Variants in ZNF280D observed in about 807,000 individuals in gnomAD.
ZNF280D encodes zinc finger protein 280D.
A neutral mutation model predicts 94.7 loss-of-function variants in ZNF280D; 39 were observed. That is an observed-to-expected ratio of 0.41 (90% confidence interval 0.32 to 0.54). The LOEUF is 0.54. Among genes scored for constraint, ZNF280D ranks in the 20% least tolerant of loss-of-function variants. The probability of loss-of-function intolerance (pLI) is 0.22; values close to 1 mark genes in which losing one functional copy is unlikely to be tolerated. For missense variants in ZNF280D, 1,090 were observed against 1,149.3 expected (o/e 0.95, Z 0.75); for synonymous variants, 398 against 377.6 (o/e 1.05, Z -0.63).
At chr15:56,633,559 C>T (rs1410290090) in intron 21 of ZNF280D, among the ~76,000 whole-genome samples, 7 of 151,674 alleles carry the variant, frequency 4.6e-5, no homozygotes, top group African/African-American at 1.2e-4. Flanking sequence ...GGCATGATCT[C>T]GGCTCATTGC....
chr15:56,642,029 T>C (rs145324040), intron 20 of ZNF280D, among the ~76,000 whole-genome samples: 6 of 151,552 alleles, frequency 4.0e-5, no homozygotes, highest in African/African-American at 1.2e-4. Context: ...TCACTGCAGA[T>C]TCCAAAGATT....
chr15:56,672,964 T>C (rs2054969026), intron 13 of ZNF280D, among the ~76,000 whole-genome samples: 1 of 151,816 alleles, frequency 6.6e-6, no homozygotes, highest in Non-Finnish European at 1.5e-5. Context: ...ACAAGTGTGA[T>C]ACATTGGATT....
chr15:56,655,390 T>C (rs1437975322), intron 17 of ZNF280D, among the ~76,000 whole-genome samples: 1 of 152,206 alleles, frequency 6.6e-6, no homozygotes, highest in Admixed American at 6.5e-5. Context: ...GTATTTTTAC[T>C]AGAGACGGGG....
intron 1 of ZNF280D, among the ~76,000 whole-genome samples, chr15:56,721,450 C>A (rs1386989175): frequency 6.6e-6 from 1 of 152,186 alleles, no homozygotes; most frequent in Non-Finnish European, 1.5e-5. Context: ...GTATCTTCTT[C>A]CAATAAATAG....
chr15:56,677,731 T>C, intron 11 of ZNF280D, 57 bp from the exon 12 acceptor site: 1 of 656,942 alleles, frequency 1.5e-6, no homozygotes, highest in Non-Finnish European at 2.2e-6. Flanking sequence ...TAAAAATTAA[T>C]TTTATACATC....
chr15:56,677,515 T>C, intron 12 of ZNF280D, 59 bp downstream of exon 12: 1 of 1,326,270 alleles, frequency 7.5e-7, no homozygotes. Flanking sequence ...GGCTTAAATT[T>C]TATAACCAAA....
chr15:56,731,753 A>G (rs28497695), intron 1 of ZNF280D, among the ~76,000 whole-genome samples: 26,278 of 152,202 alleles, frequency 0.17, 2,431 homozygotes, highest in Admixed American at 0.22. Context: ...AGAATGTGAG[A>G]TAAGTGGAAA....
At chr15:56,696,923 G>A (rs1357839924) in intron 6 of ZNF280D, among the ~76,000 whole-genome samples, 1 of 152,328 alleles carries the variant, frequency 6.6e-6, no homozygotes, top group Non-Finnish European at 1.5e-5. Context: ...TTCTGAGTCA[G>A]AAAGGAATCT....
At chr15:56,731,170 T>A (rs1254971645) in intron 1 of ZNF280D, among the ~76,000 whole-genome samples, 4 of 152,066 alleles carry the variant, frequency 2.6e-5, no homozygotes, top group African/African-American at 9.7e-5. Flanking sequence ...AAACATGGAA[T>A]ATGGGTTATT....
chr15:56,688,287 T>C (rs2056174357), intron 9 of ZNF280D, among the ~76,000 whole-genome samples: 1 of 151,890 alleles, frequency 6.6e-6, no homozygotes, highest in African/African-American at 2.4e-5. Context: ...GGTCAGGAGA[T>C]CGAGACCATC....
chr15:56,701,353 A>G, intron 4 of ZNF280D, 115 bp from the exon 5 acceptor site: 1 of 674,972 alleles, frequency 1.5e-6, no homozygotes. Context: ...GTATATAACT[A>G]ATCACTGATT....
At chr15:56,654,680 C>A in intron 17 of ZNF280D, 177 bp from the exon 18 acceptor site, 1 of 643,340 alleles carries the variant, frequency 1.6e-6, no homozygotes, top group Non-Finnish European at 2.8e-6. Flanking sequence ...ATAGCCATGT[C>A]CAAATTATGC....
chr15:56,678,830 G>A lies in ZNF280D; in HGVS notation c.1005-9C>T. 6.5e-7 allele frequency: 1 copy of A among 1,528,284 alleles called. No homozygotes were observed. The allele number at this position is 1,528,284 out of a possible 1,614,324, so 94.7% of individuals were successfully genotyped here. On this transcript the variant is annotated splice_polypyrimidine_tract_variant and intron_variant, in intron 10 of 21. Coordinates refer to ENST00000267807, the MANE Select transcript of ZNF280D (RefSeq NM_017661.4). ...TCATGTGGTTCATAAACCTATAAAT[G>A]GTTGTCAACAGGTGCAAAACTTGAG...
chr15:56,707,332 A>G, intron 1 of ZNF280D, 26 bp from the exon 2 acceptor site: 1 of 1,513,764 alleles, frequency 6.6e-7, no homozygotes, highest in Non-Finnish European at 8.8e-7. Flanking sequence ...ACCAACTATT[A>G]GGGTGGACTT....
intron 1 of ZNF280D, among the ~76,000 whole-genome samples, chr15:56,711,938 G>A (rs1339180954): frequency 6.6e-6 from 1 of 152,232 alleles, no homozygotes; most frequent in South Asian, 2.1e-4. Flanking sequence ...GCATGTTACT[G>A]TACTGAATAC....
At chr15:56,638,852 T>C (rs2052478702) in intron 20 of ZNF280D, among the ~76,000 whole-genome samples, 1 of 152,252 alleles carries the variant, frequency 6.6e-6, no homozygotes, top group Non-Finnish European at 1.5e-5. Flanking sequence ...TGAATGGCTA[T>C]GCAAGACAGC....
chr15:56,730,968 A>G (rs74690724), intron 1 of ZNF280D, among the ~76,000 whole-genome samples: 4,244 of 152,324 alleles, frequency 0.028, 193 homozygotes, highest in African/African-American at 0.097. Context: ...AGGATTATTA[A>G]TAAGACAAGC....
At chr15:56,636,808 T>C (rs1295714635) in intron 20 of ZNF280D, among the ~76,000 whole-genome samples, 6 of 150,378 alleles carry the variant, frequency 4.0e-5, no homozygotes, top group African/African-American at 1.5e-4. Context: ...TTAGTAGAGA[T>C]GGGGTTTCAC....
intron 19 of ZNF280D, among the ~76,000 whole-genome samples, chr15:56,647,908 T>TA (rs1460372669): frequency 2.0e-5 from 3 of 152,204 alleles, no homozygotes; most frequent in African/African-American, 7.2e-5. Flanking sequence ...TACACTTTGT[T>TA]ATTTTTCAAA....
Sources: allele counts gnomAD v4.1 joint callset (sites outside exome capture counted in the v4.1 genomes callset), GRCh38; gene constraint gnomAD v4.1.1; transcripts MANE v1.5; gene names NCBI Gene and HGNC (gene_info 2026-07-23, HGNC 2026-07-21).